The following PRELID3A variants were observed in gnomAD, a reference collection of about 807,000 sequenced individuals.
PRELID3A encodes PRELI domain containing protein 3A.
Under a neutral mutation model 23.0 loss-of-function variants are expected in PRELID3A, and 27 were observed. That is an observed-to-expected ratio of 1.17 (90% CI 0.87 to 1.62). The LOEUF (loss-of-function observed/expected upper bound fraction) is 1.62, where lower values mean the gene tolerates loss of function less well. PRELID3A is among the 40% of genes most tolerant of loss of function. The probability of loss-of-function intolerance (pLI) is 0.00; values close to 1 mark genes in which losing one functional copy is unlikely to be tolerated. For missense variants in PRELID3A, 231 were observed against 231.4 expected (o/e 1.00, Z 0.01); for synonymous variants, 87 against 86.4 (o/e 1.01, Z -0.04).
At chr18:12,418,885 G>A (rs573342548) in intron 1 of PRELID3A, among the ~76,000 whole-genome samples, 1 of 152,304 alleles carries the variant, frequency 6.6e-6, no homozygotes, top group South Asian at 2.1e-4. Flanking sequence ...CCACTCTGAT[G>A]GCAGGAAATA....
intron 6 of PRELID3A, among the ~76,000 whole-genome samples, 163 bp downstream of exon 6, chr18:12,429,599 CTCTT>C (rs2030499467): frequency 2.0e-5 from 3 of 152,198 alleles, no homozygotes; most frequent in Admixed American, 2.0e-4. Flanking sequence ...TGGGTTCATC[CTCTT>C]TCTATTTCAT....
chr18:12,411,161 G>C (rs949678113), intron 1 of PRELID3A, among the ~76,000 whole-genome samples: 2 of 147,180 alleles, frequency 1.4e-5, no homozygotes, highest in African/African-American at 4.9e-5. Flanking sequence ...TACCTAGACA[G>C]GGGTGAAAGT....
intron 1 of PRELID3A, among the ~76,000 whole-genome samples, chr18:12,409,876 A>G (rs779611441): frequency 7.2e-5 from 11 of 152,294 alleles, no homozygotes; most frequent in Non-Finnish European, 1.0e-4. Context: ...CCATAAAATT[A>G]TACACATTTT....
At position 12,429,446 on chromosome 18, in the gene PRELID3A, G is replaced by A. The variant is rs999742842; in HGVS notation, c.*33+10G>A. 8 of 1,547,340 alleles carry A rather than the reference G, an allele frequency of 5.2e-6. No homozygotes were observed. In the African/African-American group the frequency reaches 1.1e-4, roughly 21 times the overall value. On this transcript the variant is annotated intron_variant, in intron 6 of 6. Transcript: ENST00000440960. ...CTTGTCATAAATGGTGGTGAGTACA[G>A]TATTCACTCACCTGGGGGGGTACTT...
chr18:12,424,043 C>G (rs2143380017), intron 3 of PRELID3A, among the ~76,000 whole-genome samples: 1 of 152,338 alleles, frequency 6.6e-6, no homozygotes, highest in South Asian at 2.1e-4. Flanking sequence ...AGGATAGAGC[C>G]TAGCTCCTTA....
rs760481794 is a variant in PRELID3A at position 12,420,477 on chromosome 18, C to A, written c.185C>A (p.Pro62His). Residue 62 changes from proline (P) to histidine (H), a missense_variant, in exon 2 of 7, where the codon CCC becomes CAC. By Grantham distance (77) the Pro-to-His change is moderately conservative. Coordinates refer to ENST00000440960, the MANE Select transcript of PRELID3A (RefSeq NM_001142405.2). ...CTGCTCAGCACCGAGTGGGGGCTGC[C>A]CAGCCTCGTGAGAGCGGTGAGCGGG... ...LRLLSTEWGL[P>H]SLVRAILGTS... The A allele has an allele frequency of 6.5e-7, 1 of 1,547,554 alleles. No individual in the cohort carries two copies. Among genetic ancestry groups the A allele is most frequent in the African/African-American group, 1.4e-5 (1 of 72,852 alleles).
intron 1 of PRELID3A, 98 bp downstream of exon 1, chr18:12,408,105 G>C: frequency 9.3e-7 from 1 of 1,077,738 alleles, no homozygotes; most frequent in Non-Finnish European, 1.2e-6. Context: ...ACCTCACAGC[G>C]GGCCTCGCGG....
At chr18:12,416,014 C>T (rs898225366) in intron 1 of PRELID3A, among the ~76,000 whole-genome samples, 5 of 152,216 alleles carry the variant, frequency 3.3e-5, no homozygotes, top group Non-Finnish European at 5.9e-5. Flanking sequence ...GGTTGGGGAT[C>T]TCTGAGTAGG....
At chr18:12,408,039 G>A (rs1336309164) in intron 1 of PRELID3A, 32 bp downstream of exon 1, 5 of 1,248,548 alleles carry the variant, frequency 4.0e-6, no homozygotes, top group Non-Finnish European at 5.0e-6. Flanking sequence ...CGGTGGGGCC[G>A]TCCAGACGCC....
At chr18:12,421,446 A>C (rs1389846750) in intron 2 of PRELID3A, 94 bp from the exon 3 acceptor site, 1 of 817,428 alleles carries the variant, frequency 1.2e-6, no homozygotes, top group Non-Finnish European at 2.1e-6. Flanking sequence ...CATTTCTTGA[A>C]TAGTGAACTA....
intron 1 of PRELID3A, among the ~76,000 whole-genome samples, chr18:12,413,571 A>T (rs1598855771): frequency 6.6e-6 from 1 of 152,194 alleles, no homozygotes; most frequent in East Asian, 1.9e-4. Context: ...CTGAAATTTC[A>T]ATTATCACTT....
intron 1 of PRELID3A, among the ~76,000 whole-genome samples, chr18:12,409,135 G>A (rs935676728): frequency 1.4e-4 from 19 of 135,606 alleles, no homozygotes; most frequent in Non-Finnish European, 2.9e-4. Context: ...TCGAGACAGA[G>A]TCTCATTCTG....
chr18:12,423,475 A>G (rs2030256911), intron 3 of PRELID3A, among the ~76,000 whole-genome samples: 1 of 152,154 alleles, frequency 6.6e-6, no homozygotes, highest in Non-Finnish European at 1.5e-5. Flanking sequence ...GGAGTAAGGA[A>G]CAGGAGGCTC....
intron 1 of PRELID3A, among the ~76,000 whole-genome samples, chr18:12,411,024 C>G (rs1015483742): frequency 2.0e-5 from 3 of 152,052 alleles, no homozygotes; most frequent in African/African-American, 7.2e-5. Flanking sequence ...TTGATCTTAT[C>G]AAGTTTTCTT....
chr18:12,423,394 G>A (rs1486714090), intron 3 of PRELID3A, among the ~76,000 whole-genome samples: 1 of 152,184 alleles, frequency 6.6e-6, no homozygotes, highest in Non-Finnish European at 1.5e-5. Context: ...ACCTGAGCCA[G>A]GGAGACCAGT....
At chr18:12,430,411 T>C (rs1418289696) in intron 6 of PRELID3A, among the ~76,000 whole-genome samples, 1 of 145,542 alleles carries the variant, frequency 6.9e-6, no homozygotes, top group Non-Finnish European at 1.5e-5. Flanking sequence ...ATGTGCTGTC[T>C]GTGATGTGTT....
At chr18:12,408,250 C>T (rs1198064732) in intron 1 of PRELID3A, among the ~76,000 whole-genome samples, 4 of 151,636 alleles carry the variant, frequency 2.6e-5, no homozygotes, top group African/African-American at 9.7e-5. Context: ...TGCGCAGGGG[C>T]CTGGCTGCAG....
intron 1 of PRELID3A, 77 bp from the exon 2 acceptor site, chr18:12,420,248 C>T (rs1362923940): frequency 2.7e-6 from 4 of 1,501,946 alleles, no homozygotes; most frequent in East Asian, 2.5e-5. Context: ...CCAGGCCTGG[C>T]GGCGGCTTTT....
chr18:12,408,819 T>C (rs1401932772), intron 1 of PRELID3A, among the ~76,000 whole-genome samples: 2 of 152,120 alleles, frequency 1.3e-5, no homozygotes, highest in African/African-American at 4.8e-5. Context: ...CCTTCCCGGG[T>C]AATGCATACC....
Sources: allele counts gnomAD v4.1 joint callset (sites outside exome capture counted in the v4.1 genomes callset), GRCh38; gene constraint gnomAD v4.1.1; transcripts MANE v1.5; gene names NCBI Gene and HGNC (gene_info 2026-07-23, HGNC 2026-07-21).